The following CLSTN2 variants were observed in gnomAD, a reference collection of about 807,000 sequenced individuals.
The protein encoded by CLSTN2 is calsyntenin 2, also known as calsyntenin-2.
A neutral mutation model predicts 101.2 loss-of-function variants in CLSTN2; 48 were observed. The observed-to-expected ratio is 0.47, with a 90% CI of 0.38 to 0.60. CLSTN2 has a LOEUF of 0.60. CLSTN2 is among the 20% of genes least tolerant of loss of function. The pLI is 0.00. For missense variants in CLSTN2, 1,160 were observed against 1,238.2 expected (o/e 0.94, Z 0.95); for synonymous variants, 481 against 463.6 (o/e 1.04, Z -0.48).
intron 2 of CLSTN2, among the ~76,000 whole-genome samples, chr3:140,323,755 C>T (rs905432950): frequency 6.6e-6 from 1 of 152,160 alleles, no homozygotes; most frequent in African/African-American, 2.4e-5. Flanking sequence ...AAGTCTGACT[C>T]AACTGGAAGA....
chr3:140,492,033 A>C (rs564739750), intron 8 of CLSTN2, among the ~76,000 whole-genome samples: 30 of 152,298 alleles, frequency 2.0e-4, no homozygotes, highest in African/African-American at 7.0e-4. Flanking sequence ...TTAAGAAACA[A>C]GTTATCCAAA....
chr3:140,556,887 G>A (rs76716173), intron 11 of CLSTN2: 5,954 of 526,554 alleles, frequency 0.011, 290 homozygotes, highest in African/African-American at 0.1. Flanking sequence ...TCTCTATCTT[G>A]TATCTTATCT....
At chr3:140,469,691 C>T (rs900129627) in intron 8 of CLSTN2, among the ~76,000 whole-genome samples, 1 of 152,188 alleles carries the variant, frequency 6.6e-6, no homozygotes, top group Admixed American at 6.5e-5. Context: ...ACGGTCGTGT[C>T]TTACTCATCT....
At chr3:139,938,276 C>T (rs765274592) in intron 1 of CLSTN2, among the ~76,000 whole-genome samples, 2 of 152,076 alleles carry the variant, frequency 1.3e-5, no homozygotes, top group Non-Finnish European at 2.9e-5. Context: ...GAGTTGAATG[C>T]ACCCTCCAAA....
In CLSTN2 at chr3:140,277,477, G is replaced by C. The variant is rs576002994; in HGVS notation, c.232+101404G>C. On this transcript the variant is annotated intron_variant, in intron 2 of 16. Coordinates refer to ENST00000458420, the MANE Select transcript of CLSTN2 (RefSeq NM_022131.3). ...TCTGCAGATGACTGCTCCAAAGAGA[G>C]GCTATTGAAAGCCATCCTAGAATTT... Among the ~76,000 whole-genome samples, 83 of 152,296 alleles carry C rather than the reference G, an allele frequency of 5.4e-4. 1 individual carries two copies. Among genetic ancestry groups the C allele is most frequent in the African/African-American group, 1.9e-3 (79 of 41,582 alleles).
chr3:140,423,513 G>A (rs561165950), intron 5 of CLSTN2, among the ~76,000 whole-genome samples: 12 of 152,260 alleles, frequency 7.9e-5, no homozygotes, highest in Admixed American at 2.6e-4. Context: ...TCATAGTGTC[G>A]GGCACAGTGA....
Position 139,937,753 on chromosome 3 carries a change from A to G in CLSTN2, c.109+2270A>G, listed in dbSNP as rs1185737134. On this transcript the variant is annotated intron_variant, in intron 1 of 16. Coordinates refer to ENST00000458420, the MANE Select transcript of CLSTN2 (RefSeq NM_022131.3). ...GAATGAAACTCCGTCTCAAAAACAA[A>G]CAAACAAACAAACAAACTAGACATT... Among the ~76,000 whole-genome samples the G allele has an allele frequency of 2.6e-5, 4 of 152,158 alleles. No homozygotes were observed. The East Asian group carries it at 7.7e-4, about 29-fold the overall frequency.
chr3:139,956,982 C>T (rs917458384), intron 1 of CLSTN2, among the ~76,000 whole-genome samples: 8 of 152,110 alleles, frequency 5.3e-5, no homozygotes, highest in Admixed American at 2.6e-4. Flanking sequence ...CTGCAATGAG[C>T]GTTGCCAATT....
intron 8 of CLSTN2, among the ~76,000 whole-genome samples, chr3:140,516,269 G>A (rs1363777505): frequency 6.6e-6 from 1 of 152,078 alleles, no homozygotes; most frequent in Non-Finnish European, 1.5e-5. Flanking sequence ...TACTTGGTTG[G>A]TGAATTTTTA....
chr3:140,076,379 A>T (rs1160352489), intron 1 of CLSTN2, among the ~76,000 whole-genome samples: 1 of 152,120 alleles, frequency 6.6e-6, no homozygotes, highest in African/African-American at 2.4e-5. Flanking sequence ...TCCCTCCCAG[A>T]CTTCCTGGGT....
intron 1 of CLSTN2, among the ~76,000 whole-genome samples, chr3:139,988,677 C>T (rs1283483921): frequency 3.9e-5 from 6 of 152,126 alleles, no homozygotes; most frequent in African/African-American, 9.6e-5. Flanking sequence ...AAGGTGGTAC[C>T]GTGGTGGGGA....
Position 140,410,411 on chromosome 3 carries a change from C to CAA in CLSTN2, c.637+5660_637+5661dup, listed in dbSNP as rs11450317. On this transcript the variant is annotated intron_variant, in intron 4 of 16. Transcript: ENST00000458420. ...ATATTTAAGATGCTGAAATAAAAAG[C>CAA]AAAAAAAAAAAAAAAACCTACCAAC... 7.7e-3 allele frequency among the ~76,000 whole-genome samples: 915 copies of CAA among 118,672 alleles called. 4 individuals carry two copies. The highest frequency in any genetic ancestry group is 0.01 in the Non-Finnish European group (605 of 58,640). The allele number at this position is 118,672 out of a possible 152,430, so 77.9% of individuals were successfully genotyped here. A position where few individuals can be genotyped will look rare whatever the true frequency, so the allele number is the denominator to read the frequency against.
chr3:140,095,765 C>A (rs529992016), intron 1 of CLSTN2, among the ~76,000 whole-genome samples: 1 of 152,300 alleles, frequency 6.6e-6, no homozygotes, highest in East Asian at 1.9e-4. Flanking sequence ...GGTATTGGGA[C>A]CATGTCAGTG....
intron 1 of CLSTN2, among the ~76,000 whole-genome samples, chr3:140,100,343 C>T (rs946070297): frequency 6.6e-6 from 1 of 152,166 alleles, no homozygotes; most frequent in Non-Finnish European, 1.5e-5. Context: ...GCTCCGATCC[C>T]AATCCCCTTG....
intron 1 of CLSTN2, among the ~76,000 whole-genome samples, chr3:139,978,648 T>TTGTGTG (rs552137591): frequency 5.9e-5 from 8 of 135,604 alleles, no homozygotes; most frequent in African/African-American, 2.0e-4. Flanking sequence ...GGATGGGGGA[T>TTGTGTG]TGTGTGTGTG....
chr3:139,978,246 G>A (rs1935854512), intron 1 of CLSTN2, among the ~76,000 whole-genome samples: 1 of 152,184 alleles, frequency 6.6e-6, no homozygotes, highest in Non-Finnish European at 1.5e-5. Flanking sequence ...TCCCAACCCT[G>A]TTGGTGTTAG....
intron 5 of CLSTN2, among the ~76,000 whole-genome samples, chr3:140,422,816 C>G (rs746560584): frequency 1.3e-5 from 2 of 152,186 alleles, no homozygotes; most frequent in Non-Finnish European, 2.9e-5. Context: ...CTGAATTTCT[C>G]AAGCTTGGTG....
At chr3:140,481,268 A>G (rs1023900307) in intron 8 of CLSTN2, among the ~76,000 whole-genome samples, 21 of 152,210 alleles carry the variant, frequency 1.4e-4, no homozygotes, top group African/African-American at 4.1e-4. Context: ...GATACGTGGC[A>G]TTATTTCTGA....
chr3:140,260,875 T>C (rs1407421182), intron 2 of CLSTN2, among the ~76,000 whole-genome samples: 1 of 152,174 alleles, frequency 6.6e-6, no homozygotes. Flanking sequence ...TCAGGTGTTT[T>C]GTAGGGTGTC....
Sources: gnomAD v4.1 joint callset for allele counts (sites outside exome capture counted in the v4.1 genomes callset) on GRCh38, gnomAD v4.1.1 for gene constraint, MANE v1.5 for transcripts, NCBI Gene and HGNC (gene_info 2026-07-23, HGNC 2026-07-21) for gene names.